SGPP2: variants seen among roughly 807,000 people sequenced by gnomAD.
SGPP2 encodes the protein sphingosine 1-phosphate phosphohydrolase 2.
SGPP2 carries 30 observed loss-of-function variants against 33.9 expected under a neutral mutation model. That is an observed-to-expected ratio of 0.89 (90% CI 0.66 to 1.20). The LOEUF is 1.20. Ranked by LOEUF, SGPP2 falls within the 50% of genes most tolerant of loss-of-function variation. The pLI, the probability that SGPP2 is intolerant of heterozygous loss-of-function variation, is 0.00. For synonymous variants in SGPP2, 233 were observed against 225.0 expected (o/e 1.04, Z -0.32); for missense variants, 458 against 532.1 (o/e 0.86, Z 1.37).
chr2:222,489,004 C>G (rs140394251), intron 2 of SGPP2, among the ~76,000 whole-genome samples: 141 of 152,274 alleles, frequency 9.3e-4, no homozygotes, highest in African/African-American at 3.2e-3. Flanking sequence ...AACACTGTAA[C>G]TTGGAAATTA....
chr2:222,501,172 G>C (rs1698360961), intron 2 of SGPP2, among the ~76,000 whole-genome samples: 1 of 152,148 alleles, frequency 6.6e-6, no homozygotes, highest in Non-Finnish European at 1.5e-5. Flanking sequence ...GGAGTCACTT[G>C]AGCCTGCCTC....
In SGPP2 at chr2:222,431,632, A is replaced by G. The variant is rs1184774593; in HGVS notation, c.219+6811A>G. On this transcript the variant is annotated intron_variant, in intron 1 of 4. Transcript: ENST00000321276. ...GAAGCATCTTGGAGCAAGCAACTTC[A>G]GCCTAAAAAAGCAAGAACAGGGAAT... Among the ~76,000 whole-genome samples, 3 of 152,222 alleles carry G rather than the reference A, an allele frequency of 2.0e-5. No homozygotes were observed. In the East Asian group the frequency reaches 5.8e-4, roughly 29 times the overall value.
At chr2:222,536,685 A>T (rs1698920478) in intron 4 of SGPP2, among the ~76,000 whole-genome samples, 3 of 152,188 alleles carry the variant, frequency 2.0e-5, no homozygotes, top group Admixed American at 6.5e-5. Flanking sequence ...GTCTCCAAAA[A>T]AAATAAAAAA....
chr2:222,548,094 T>A (rs4592839), intron 4 of SGPP2, among the ~76,000 whole-genome samples: 1 of 152,042 alleles, frequency 6.6e-6, no homozygotes, highest in African/African-American at 2.4e-5. Context: ...TCCACCAAAT[T>A]GAAATTATTT....
At chr2:222,439,764 A>C (rs1697297351) in intron 1 of SGPP2, among the ~76,000 whole-genome samples, 1 of 152,246 alleles carries the variant, frequency 6.6e-6, no homozygotes, top group Non-Finnish European at 1.5e-5. Flanking sequence ...GTGATAAACA[A>C]ATTAGTAGTT....
chr2:222,429,693 A>G (rs79382042), intron 1 of SGPP2, among the ~76,000 whole-genome samples: 3,298 of 152,380 alleles, frequency 0.022, 62 homozygotes, highest in Middle Eastern at 0.058. Context: ...TGCATTAAAA[A>G]TGATAACATC....
chr2:222,514,975 T>C (rs991496622), intron 2 of SGPP2, among the ~76,000 whole-genome samples: 8 of 152,012 alleles, frequency 5.3e-5, no homozygotes, highest in African/African-American at 1.9e-4. Flanking sequence ...TTTCTCCCTG[T>C]TGTTATTCTT....
At chr2:222,469,702 C>T (rs988133958) in intron 1 of SGPP2, among the ~76,000 whole-genome samples, 2 of 152,214 alleles carry the variant, frequency 1.3e-5, no homozygotes, top group Non-Finnish European at 2.9e-5. Context: ...GAACAACACA[C>T]ACACTGGAAC....
At chr2:222,553,596 A>G (rs573569232) in intron 4 of SGPP2, among the ~76,000 whole-genome samples, 1 of 152,324 alleles carries the variant, frequency 6.6e-6, no homozygotes, top group Admixed American at 6.5e-5. Context: ...GGAGATTCCA[A>G]TGCACACTAA....
rs145591566 is a variant in SGPP2, at chr2:222,521,671, C to T, written c.379-96C>T. On this transcript the variant is annotated intron_variant, in intron 2 of 4. Transcript: ENST00000321276. ...GGTCAGAGAGAAAGGAGCCTTCAATCAACAACCTGAGAACCCCAAAATATA... is the reference window on the plus strand; with the variant it reads ...GGTCAGAGAGAAAGGAGCCTTCAATTAACAACCTGAGAACCCCAAAATATA... The T allele has an allele frequency of 1.4e-3, 1,859 of 1,363,328 alleles. 2 individuals are homozygous for T. The highest frequency in any genetic ancestry group is 1.7e-3 in the Non-Finnish European group (1,671 of 1,002,482). 84.5% of individuals were successfully genotyped at this position (1,363,328 alleles called of 1,614,324 possible).
intron 2 of SGPP2, among the ~76,000 whole-genome samples, chr2:222,494,526 C>T (rs1478847927): frequency 1.3e-5 from 2 of 152,180 alleles, no homozygotes; most frequent in African/African-American, 4.8e-5. Flanking sequence ...CCACGGCTGC[C>T]CAACTTGCAC....
intron 2 of SGPP2, among the ~76,000 whole-genome samples, chr2:222,478,329 C>T (rs1697981298): frequency 6.6e-6 from 1 of 151,170 alleles, no homozygotes; most frequent in East Asian, 1.9e-4. Context: ...GGGGTGCTCT[C>T]TGATGGGCTA....
intron 1 of SGPP2, among the ~76,000 whole-genome samples, chr2:222,445,670 TAC>T (rs34042000): frequency 0.089 from 13,564 of 152,152 alleles, 881 homozygotes; most frequent in Admixed American, 0.13. Flanking sequence ...GATTAGACCA[TAC>T]AGAGCTGCCG....
intron 4 of SGPP2, among the ~76,000 whole-genome samples, chr2:222,555,313 T>C (rs1689370742): frequency 6.6e-6 from 1 of 152,198 alleles, no homozygotes; most frequent in African/African-American, 2.4e-5. Flanking sequence ...GCATGTACCA[T>C]TATTTGTGGG....
At chr2:222,523,979 G>T (rs142029563) in intron 3 of SGPP2, among the ~76,000 whole-genome samples, 336 of 152,268 alleles carry the variant, frequency 2.2e-3, no homozygotes, top group South Asian at 0.021. Context: ...GGACTCAGAA[G>T]GCATGGCCTT....
chr2:222,460,607 C>G lies in SGPP2; in HGVS notation c.220-13961C>G, dbSNP rs1222351694. Among the ~76,000 whole-genome samples, 1 of 152,192 alleles carries G rather than the reference C, an allele frequency of 6.6e-6. No individual in the cohort carries two copies. Among genetic ancestry groups the G allele is most frequent in the Non-Finnish European group, 1.5e-5 (1 of 68,032 alleles). On this transcript the variant is annotated intron_variant, in intron 1 of 4. Transcript: ENST00000321276. This position sits in a 1 kb window ranked among gnomAD's most constrained non-coding sequence, Gnocchi z 4.3. ...GCACTTTCAAAGGCTCCCTATTACC[C>G]AAGTTCTAAACCCAGCCTCCTTATT...
At position 222,469,345 on chromosome 2, in the gene SGPP2, G is replaced by A. The variant is rs574114714; in HGVS notation, c.220-5223G>A. Among the ~76,000 whole-genome samples the A allele has an allele frequency of 1.1e-4, 17 of 152,246 alleles. No homozygotes were observed. In the East Asian group the frequency reaches 3.3e-3, roughly 29 times the overall value. Reference sequence around the variant, plus strand: ...ATTACAGACATGTGCCACCATGCCCGGCTAATTTGTTGTATTTTTAGTACA... The same window carrying A: ...ATTACAGACATGTGCCACCATGCCCAGCTAATTTGTTGTATTTTTAGTACA... On this transcript the variant is annotated intron_variant, in intron 1 of 4. Coordinates refer to ENST00000321276, the MANE Select transcript of SGPP2 (RefSeq NM_152386.4).
At chr2:222,535,045 C>A (rs1276779694) in intron 4 of SGPP2, among the ~76,000 whole-genome samples, 1 of 152,210 alleles carries the variant, frequency 6.6e-6, no homozygotes, top group Non-Finnish European at 1.5e-5. Flanking sequence ...TGTGTACCTT[C>A]TTTCCCAACG....
chr2:222,544,275 G>A (rs1450480333), intron 4 of SGPP2, among the ~76,000 whole-genome samples: 2 of 152,174 alleles, frequency 1.3e-5, no homozygotes, highest in African/African-American at 4.8e-5. Context: ...TTGAATTACT[G>A]TTCTGTACTA....
Sources: allele counts gnomAD v4.1 joint callset (sites outside exome capture counted in the v4.1 genomes callset), GRCh38; gene constraint gnomAD v4.1.1; non-coding constraint Gnocchi (gnomAD v3.1); transcripts MANE v1.5; gene names NCBI Gene and HGNC (gene_info 2026-07-23, HGNC 2026-07-21).